The following ITGA10 variants were observed in gnomAD, a reference collection of about 807,000 sequenced individuals.
ITGA10 encodes integrin subunit alpha 10, also known as integrin alpha-10.
In ITGA10, 105 loss-of-function variants were observed where a neutral mutation model predicts 145.2. The observed-to-expected ratio is 0.72, with a 90% CI of 0.62 to 0.85. The LOEUF (loss-of-function observed/expected upper bound fraction) is 0.85. ITGA10 is among the 40% of genes least tolerant of loss of function. ITGA10 has a pLI of 0.00. For missense variants in ITGA10, 1,317 were observed against 1,444.5 expected (o/e 0.91, Z 1.43); for synonymous variants, 506 against 557.8 (o/e 0.91, Z 1.31).
At position 145,902,432 on chromosome 1, in the gene ITGA10, A is replaced by G. The variant is rs782113417; in HGVS notation, c.1075+22T>C. The G allele has an allele frequency of 2.5e-6, 4 of 1,609,554 alleles. No individual in the cohort carries two copies. The South Asian group carries it at 4.4e-5, about 18-fold the overall frequency. Reference sequence around the variant, plus strand: ...CTCCAGAACTTCTCCCGCCCTGTCCATTTCTCCAGAGTAATCCTCACCTTC... The same window carrying G: ...CTCCAGAACTTCTCCCGCCCTGTCCGTTTCTCCAGAGTAATCCTCACCTTC... On this transcript the variant is annotated intron_variant, in intron 9 of 29. Transcript: ENST00000369304.
chr1:145,891,476 T>C lies in ITGA10; in HGVS notation c.*1322A>G, dbSNP rs898500817. On this transcript the variant is annotated 3_prime_UTR_variant, in exon 30 of 30. Transcript: ENST00000369304. ...GAGCTGCACTCTGGAGACCAATAACTGACTTCGATATCTCAAGTCTTGATT... is the reference window on the plus strand; with the variant it reads ...GAGCTGCACTCTGGAGACCAATAACCGACTTCGATATCTCAAGTCTTGATT... The C allele has an allele frequency of 1.3e-5, 2 of 152,474 alleles. No homozygotes were observed. The highest frequency in any genetic ancestry group is 6.5e-5 in the Admixed American group (1 of 15,286). 9.4% of individuals were successfully genotyped at this position (152,474 alleles called of 1,614,324 possible).
Position 145,901,519 on chromosome 1 carries a change from C to T in ITGA10, c.1440G>A (p.Glu480=), listed in dbSNP as rs1656313054. 1.3e-6 allele frequency: 2 copies of T among 1,564,596 alleles called. No individual in the cohort carries two copies. Among genetic ancestry groups the T allele is most frequent in the Non-Finnish European group, 8.6e-7 (1 of 1,159,110 alleles). ...CACCCTTCCTTGGATGCCCTACCTG[C>T]TCCCCCTGGAGGCTCTGGGCAACCC... ...AVRVAQSLQG[E]QIGSYFGSEL... Residue 480 remains glutamate (E), a synonymous_variant, in exon 12 of 30, where the codon GAG becomes GAA. Coordinates refer to ENST00000369304, the MANE Select transcript of ITGA10 (RefSeq NM_003637.5). The surrounding 1 kb of genome is among the most constrained non-coding windows in gnomAD (Gnocchi z 4.3).
At chr1:145,895,915 G>A in intron 25 of ITGA10, 68 bp downstream of exon 25, 4 of 1,233,358 alleles carry the variant, frequency 3.2e-6, no homozygotes, top group Non-Finnish European at 4.8e-6. Context: ...AGCTGGTGTG[G>A]TGTCCAGCTT....
chr1:145,898,438 G>A (rs587753606), intron 17 of ITGA10, among the ~76,000 whole-genome samples: 5 of 151,784 alleles, frequency 3.3e-5, no homozygotes, highest in African/African-American at 4.8e-5. Flanking sequence ...GCATGATCTC[G>A]GCTCACTGCA....
rs373844607 is a variant in ITGA10 at position 145,899,112 on chromosome 1, G to A, written c.2090-34C>T. 296 of 1,614,148 alleles carry A rather than the reference G, an allele frequency of 1.8e-4. 1 individual carries two copies. The Middle Eastern group carries it at 3.6e-3, about 20-fold the overall frequency. ...AGGAGGCAAGAGTGAGGGTGGAAAG[G>A]GGTCTAGTGAGGAAGGCATGCAAGG... is the stretch of plus-strand genomic sequence containing the variant. On this transcript the variant is annotated intron_variant, in intron 16 of 29. Transcript: ENST00000369304.
At chr1:145,903,024 TACACACACACACACACACAC>T (rs55794832) in intron 7 of ITGA10, 63 bp from the exon 8 acceptor site, 16 of 379,290 alleles carry the variant, frequency 4.2e-5, no homozygotes, top group African/African-American at 2.6e-4. Flanking sequence ...CACACACACA[TACACACACACACACACACAC>T]ACACACACAC....
chr1:145,893,815 G>C (rs1404289317), intron 27 of ITGA10, among the ~76,000 whole-genome samples, 180 bp from the exon 28 acceptor site: 1 of 152,022 alleles, frequency 6.6e-6, no homozygotes, highest in East Asian at 1.9e-4. Context: ...GAAAACCCCT[G>C]GTCACATCTG....
In ITGA10 at chr1:145,892,816, T is replaced by G. The variant is rs1179000100; in HGVS notation, c.3486A>C (p.Glu1162Asp). 3.1e-6 allele frequency: 5 copies of G among 1,613,538 alleles called. No individual in the cohort carries two copies. The African/African-American group carries it at 6.7e-5, about 22-fold the overall frequency. Residue 1162 changes from glutamate (E) to aspartate (D), a missense_variant, in exon 30 of 30, where the codon GAA becomes GAC. Physicochemically the swap from Glu to Asp is conservative, Grantham distance 45. Transcript: ENST00000369304. The part of the protein sequence containing the change: ...HKKIPEEEKR[E>D]EKLEQ The stretch of plus-strand genomic sequence containing the variant: ...TCTACATTCATTGCTCCAACTTCTC[T>G]TCTCTTTTTTCTTCCTCAGGGATTT...
chr1:145,902,121 T>C (rs1157904822), intron 10 of ITGA10, 100 bp from the exon 11 acceptor site: 45 of 1,584,416 alleles, frequency 2.8e-5, no homozygotes, highest in Non-Finnish European at 3.5e-5. Flanking sequence ...TCTGCTGGGC[T>C]CAGTTGGAAA....
At chr1:145,894,452 G>A (rs1553744228) in intron 27 of ITGA10, among the ~76,000 whole-genome samples, 2 of 152,106 alleles carry the variant, frequency 1.3e-5, no homozygotes, top group South Asian at 2.1e-4. Context: ...AGCATGAATA[G>A]ACTAGTGAAA....
chr1:145,898,024 C>T, intron 18 of ITGA10, 86 bp downstream of exon 18: 1 of 1,297,000 alleles, frequency 7.7e-7, no homozygotes, highest in Non-Finnish European at 1.1e-6. Flanking sequence ...CAGATTTCAC[C>T]ATGATCTCAT....
intron 3 of ITGA10, 75 bp from the exon 4 acceptor site, chr1:145,906,899 G>C: frequency 8.0e-7 from 1 of 1,248,232 alleles, no homozygotes; most frequent in Non-Finnish European, 1.2e-6. Context: ...TGATTTTGGA[G>C]GAGAATGAGC....
At chr1:145,898,457 C>T (rs587735277) in intron 17 of ITGA10, among the ~76,000 whole-genome samples, 2 of 152,200 alleles carry the variant, frequency 1.3e-5, no homozygotes, top group African/African-American at 4.8e-5. Context: ...CAAGCTCTGC[C>T]TCCTGGGTTC....
intron 17 of ITGA10, 49 bp downstream of exon 17, chr1:145,898,887 C>T (rs1655823868): frequency 1.3e-6 from 2 of 1,572,924 alleles, no homozygotes; most frequent in Admixed American, 1.8e-5. Flanking sequence ...ACCCAGCTTT[C>T]TCCTCATTCT....
chr1:145,903,327 G>A (rs1656650633), intron 7 of ITGA10, among the ~76,000 whole-genome samples: 1 of 152,154 alleles, frequency 6.6e-6, no homozygotes, highest in Non-Finnish European at 1.5e-5. Context: ...CCAGAGATGA[G>A]TTGTTTTGTT....
intron 5 of ITGA10, 32 bp from the exon 6 acceptor site, chr1:145,904,843 C>T: frequency 2.5e-6 from 4 of 1,605,496 alleles, no homozygotes; most frequent in East Asian, 2.2e-5. Context: ...AGGTAGAGGA[C>T]ACTGAGCTGG....
Position 145,901,818 on chromosome 1 carries a change from C to A in ITGA10, c.1294+59G>T. ...AGAGGGAGTATTTCATACCCGCCCCCACTAGGGATGTATTTCCTCCCCTAC... is the reference window on the plus strand; with the variant it reads ...AGAGGGAGTATTTCATACCCGCCCCAACTAGGGATGTATTTCCTCCCCTAC... On this transcript the variant is annotated intron_variant, in intron 11 of 29. Coordinates refer to ENST00000369304, the MANE Select transcript of ITGA10 (RefSeq NM_003637.5). This position sits in a 1 kb window ranked among gnomAD's most constrained non-coding sequence, Gnocchi z 4.3. The A allele has an allele frequency of 6.2e-7, 1 of 1,604,798 alleles. No individual in the cohort carries two copies. The highest frequency in any genetic ancestry group is 8.5e-7 in the Non-Finnish European group (1 of 1,173,360).
At position 145,897,273 on chromosome 1, in the gene ITGA10, G is replaced by A. The variant is rs782341245; in HGVS notation, c.2641C>T (p.His881Tyr). 24 of 1,613,968 alleles carry A rather than the reference G, an allele frequency of 1.5e-5. No individual in the cohort carries two copies. In the African/African-American group the frequency reaches 2.3e-4, roughly 15 times the overall value. The change falls in exon 21 of 30, where the codon CAT (histidine) becomes TAT (tyrosine). Residue 881 changes from histidine (H) to tyrosine (Y), a missense_variant. Coordinates refer to ENST00000369304, the MANE Select transcript of ITGA10 (RefSeq NM_003637.5). ...SAHARLCSVGHPVFQTGAKVT... is the reference protein window; with the variant it reads ...SAHARLCSVGYPVFQTGAKVT... ...TTGGCTCCAGTCTGGAAGACAGGATGCCCCACACTGCAGAGCCGGGCATGA... is the reference window on the plus strand; with the variant it reads ...TTGGCTCCAGTCTGGAAGACAGGATACCCCACACTGCAGAGCCGGGCATGA...
In ITGA10 at chr1:145,901,912, A is replaced by T; in HGVS notation, c.1259T>A (p.Phe420Tyr). 2 of 1,614,040 alleles carry T rather than the reference A, an allele frequency of 1.2e-6. No homozygotes were observed. The highest frequency in any genetic ancestry group is 1.7e-6 in the Non-Finnish European group (2 of 1,180,002). ...TGCATGGTTCTGCAATGCAGGGGGG[A>T]ACTCGTCTTCCAGTGCCATTCGTGG... ...FPPRMALEDE[F>Y]PPALQNHAAY... is the part of the protein sequence containing the mutation. Residue 420 changes from phenylalanine (F) to tyrosine (Y), a missense_variant, in exon 11 of 30, where the codon TTC becomes TAC. Transcript: ENST00000369304. This position sits in a 1 kb window ranked among gnomAD's most constrained non-coding sequence, Gnocchi z 4.3.
Sources: gnomAD v4.1 joint callset for allele counts (sites outside exome capture counted in the v4.1 genomes callset) on GRCh38, gnomAD v4.1.1 for gene constraint, Gnocchi (gnomAD v3.1) non-coding constraint, MANE v1.5 for transcripts, NCBI Gene and HGNC (gene_info 2026-07-23, HGNC 2026-07-21) for gene names.